The following NCOA3 variants were observed in gnomAD, a reference collection of about 807,000 sequenced individuals.
NCOA3 encodes the protein nuclear receptor coactivator 3, also known as CBP-interacting protein.
Under a neutral mutation model 158.8 loss-of-function variants are expected in NCOA3, and 51 were observed. That is an observed-to-expected ratio of 0.32 (90% CI 0.26 to 0.41). The LOEUF (loss-of-function observed/expected upper bound fraction) is 0.41, where lower values mean the gene tolerates loss of function less well. Among genes scored for constraint, NCOA3 ranks in the 10% least tolerant of loss-of-function variants. The pLI, the probability that NCOA3 is intolerant of heterozygous loss-of-function variation, is 1.00. For synonymous variants in NCOA3, 537 were observed against 592.4 expected, an observed-to-expected ratio of 0.91 and a Z score of 1.36; for missense variants, 1,510 against 1,746.6, an observed-to-expected ratio of 0.86 and a Z score of 2.41.
At position 47,636,274 on chromosome 20, in the gene NCOA3, GA is replaced by G. The variant is rs2086514030; in HGVS notation, c.1889del (p.Asp630ValfsTer8). On this transcript the variant is annotated frameshift_variant, in exon 12 of 23. Transcript: ENST00000371998. LOFTEE classifies it high-confidence loss of function. Reference sequence around the variant, plus strand: ...ACTGCAGTTACTTACCTGTTCTTCTGATGACCGGGGTCATTCCTCCTTGACC... The same window carrying G: ...ACTGCAGTTACTTACCTGTTCTTCTGTGACCGGGGTCATTCCTCCTTGACC... ...KLLQLLTCSS[D>X]DRGHSSLTNS... The G allele has an allele frequency of 6.2e-7, 1 of 1,614,040 alleles. No homozygotes were observed. The highest frequency in any genetic ancestry group is 8.5e-7 in the Non-Finnish European group (1 of 1,180,038).
chr20:47,557,535 A>G (rs1408775697), intron 1 of NCOA3, among the ~76,000 whole-genome samples: 4 of 152,202 alleles, frequency 2.6e-5, no homozygotes, highest in African/African-American at 9.7e-5. Flanking sequence ...TCTTAATCAC[A>G]AACTGTTTCT....
At chr20:47,514,210 ATT>A (rs575151562) in intron 1 of NCOA3, among the ~76,000 whole-genome samples, 3 of 143,692 alleles carry the variant, frequency 2.1e-5, no homozygotes, top group Non-Finnish European at 4.6e-5. Context: ...ATTTTTTTGA[ATT>A]TTTTTTTTAA....
At chr20:47,624,618 T>C (rs774816000) in intron 4 of NCOA3, among the ~76,000 whole-genome samples, 7 of 152,088 alleles carry the variant, frequency 4.6e-5, no homozygotes, top group Non-Finnish European at 8.8e-5. Context: ...GACTGATACT[T>C]GTCTGTGGTC....
intron 3 of NCOA3, 62 bp downstream of exon 3, chr20:47,622,392 T>A: frequency 8.8e-7 from 1 of 1,133,556 alleles, no homozygotes; most frequent in Non-Finnish European, 1.3e-6. Context: ...AGGATAACAT[T>A]TTAACTTCTT....
chr20:47,653,683 A>C lies in NCOA3; in HGVS notation c.*266A>C. 2.1e-6 allele frequency: 1 copy of C among 478,502 alleles called. No homozygotes were observed. The highest frequency in any genetic ancestry group is 3.1e-5 in the East Asian group (1 of 32,200). The allele number at this position is 478,502 out of a possible 1,614,324, so 29.6% of individuals were successfully genotyped here. On this transcript the variant is annotated 3_prime_UTR_variant, in exon 23 of 23. Coordinates refer to ENST00000371998, the MANE Select transcript of NCOA3 (RefSeq NM_181659.3). ...TTTTGGCATTCCACCTCCTAGGGAT[A>C]TAATTCTGGAGACATGGAGTGTTAC... is the stretch of plus-strand genomic sequence containing the variant.
chr20:47,526,942 C>T (rs1019374185), intron 1 of NCOA3, among the ~76,000 whole-genome samples: 1 of 152,132 alleles, frequency 6.6e-6, no homozygotes, highest in South Asian at 2.1e-4. Context: ...CACATCCAGC[C>T]AGTTCCATAT....
At position 47,656,061 on chromosome 20, in the gene NCOA3, T is replaced by TC. The variant is rs1421383767; in HGVS notation, c.*2645dup. ...CCCCCCATTTTTTCAAACCTTGGTA[T>TC]CTGTTGGGTGAACAGTATAATCTTT... On this transcript the variant is annotated 3_prime_UTR_variant, in exon 23 of 23. Coordinates refer to ENST00000371998, the MANE Select transcript of NCOA3 (RefSeq NM_181659.3). 2 of 151,310 alleles carry TC rather than the reference T, an allele frequency of 1.3e-5. No individual in the cohort carries two copies. The highest frequency in any genetic ancestry group is 2.9e-5 in the Non-Finnish European group (2 of 67,802). The allele number at this position is 151,310 out of a possible 1,614,324, so 9.4% of individuals were successfully genotyped here.
intron 1 of NCOA3, among the ~76,000 whole-genome samples, chr20:47,503,580 A>G (rs938756283): frequency 3.3e-5 from 5 of 152,234 alleles, no homozygotes; most frequent in Non-Finnish European, 7.3e-5. Context: ...GCAGGGAAAT[A>G]AAATGAACAG....
chr20:47,540,299 C>T (rs748493118), intron 1 of NCOA3, among the ~76,000 whole-genome samples: 8 of 152,008 alleles, frequency 5.3e-5, no homozygotes, highest in Non-Finnish European at 1.2e-4. Flanking sequence ...TTGGCTGGGG[C>T]GCGGTGGCTT....
intron 2 of NCOA3, among the ~76,000 whole-genome samples, chr20:47,601,504 CTTAA>C (rs763103425): frequency 2.4e-4 from 36 of 152,110 alleles, no homozygotes; most frequent in Non-Finnish European, 4.4e-4. Context: ...AATTTTGTAA[CTTAA>C]TTAAGAAATA....
chr20:47,575,528 A>G (rs765563556), intron 1 of NCOA3, among the ~76,000 whole-genome samples: 20 of 152,308 alleles, frequency 1.3e-4, no homozygotes, highest in Admixed American at 2.6e-4. Context: ...ATATTGCTAT[A>G]TAAACTTTAA....
chr20:47,652,709 T>C, intron 21 of NCOA3, 129 bp downstream of exon 21: 1 of 1,022,550 alleles, frequency 9.8e-7, no homozygotes. Flanking sequence ...GAAGGTGTGA[T>C]TTGGCTTGTC....
chr20:47,646,264 T>C (rs556335784), intron 17 of NCOA3, among the ~76,000 whole-genome samples: 3 of 152,348 alleles, frequency 2.0e-5, no homozygotes, highest in African/African-American at 4.8e-5. Flanking sequence ...ATAAGAAGAA[T>C]GATGACTGTG....
In NCOA3 at chr20:47,654,616, C is replaced by A. The variant is rs546430844; in HGVS notation, c.*1199C>A. 6.6e-6 allele frequency: 1 copy of A among 152,432 alleles called. No homozygotes were observed. Among genetic ancestry groups the A allele is most frequent in the Non-Finnish European group, 1.5e-5 (1 of 68,014 alleles). The allele number at this position is 152,432 out of a possible 1,614,324, so 9.4% of individuals were successfully genotyped here. On this transcript the variant is annotated 3_prime_UTR_variant, in exon 23 of 23. Coordinates refer to ENST00000371998, the MANE Select transcript of NCOA3 (RefSeq NM_181659.3). ...CCCCACCCCCCAGCCTTAGATGCCT[C>A]GCTCTTTTCAATCTCTTAATCTAAA...
chr20:47,510,642 G>A (rs2146050919), intron 1 of NCOA3, among the ~76,000 whole-genome samples: 1 of 152,016 alleles, frequency 6.6e-6, no homozygotes, highest in Middle Eastern at 3.4e-3. Flanking sequence ...CATCTAGGAT[G>A]GAGTGTAGTG....
At chr20:47,590,517 A>G (rs142414917) in intron 2 of NCOA3, among the ~76,000 whole-genome samples, 239 of 152,308 alleles carry the variant, frequency 1.6e-3, no homozygotes, top group African/African-American at 5.5e-3. Flanking sequence ...AGCATAATAT[A>G]TTAAATTGTG....
At chr20:47,502,475 C>G (rs6012193) in intron 1 of NCOA3, among the ~76,000 whole-genome samples, 2 of 152,182 alleles carry the variant, frequency 1.3e-5, no homozygotes, top group African/African-American at 2.4e-5. Flanking sequence ...GGACCCCCCC[C>G]ACCCCAGCCT....
intron 1 of NCOA3, among the ~76,000 whole-genome samples, chr20:47,518,915 C>T (rs755504756): frequency 6.6e-6 from 1 of 151,908 alleles, no homozygotes; most frequent in Non-Finnish European, 1.5e-5. Flanking sequence ...GTGGGTGGAT[C>T]ACTTGAGGTC....
chr20:47,639,569 T>C lies in NCOA3; in HGVS notation c.2708-8T>C, dbSNP rs758492326. The C allele has an allele frequency of 4.3e-6, 7 of 1,612,588 alleles. No individual in the cohort carries two copies. In the East Asian group the frequency reaches 1.3e-4, roughly 31 times the overall value. ...TGGAAAAGACCTAAGTATGGCTACCTGTTTTAGGTGGGCCAAACCGAAATG... is the reference window on the plus strand; with the variant it reads ...TGGAAAAGACCTAAGTATGGCTACCCGTTTTAGGTGGGCCAAACCGAAATG... On this transcript the variant is annotated splice_polypyrimidine_tract_variant and splice_region_variant and intron_variant, in intron 14 of 22. Transcript: ENST00000371998.
Sources: allele counts gnomAD v4.1 joint callset (sites outside exome capture counted in the v4.1 genomes callset), GRCh38; gene constraint gnomAD v4.1.1; transcripts MANE v1.5; gene names NCBI Gene and HGNC (gene_info 2026-07-23, HGNC 2026-07-21).